The following RIMS2 variants were observed in gnomAD, a reference collection of about 807,000 sequenced individuals.
RIMS2 encodes the protein regulating synaptic membrane exocytosis 2.
Under a neutral mutation model 174.4 loss-of-function variants are expected in RIMS2, and 59 were observed. The observed-to-expected ratio is 0.34, with a 90% confidence interval of 0.27 to 0.42. The LOEUF (loss-of-function observed/expected upper bound fraction) is 0.42. RIMS2 is among the 10% of genes least tolerant of loss of function. The pLI is 1.00. For missense variants in RIMS2, 1,620 were observed against 1,666.3 expected, an observed-to-expected ratio of 0.97 and a Z score of 0.48; for synonymous variants, 606 against 572.5, an observed-to-expected ratio of 1.06 and a Z score of -0.84.
At chr8:103,717,220 T>TGTAGATG (rs1193221741) in intron 2 of RIMS2, among the ~76,000 whole-genome samples, 1 of 148,978 alleles carries the variant, frequency 6.7e-6, no homozygotes, top group Non-Finnish European at 1.5e-5. Context: ...TTGGGGATGA[T>TGTAGATG]GTAGATGGTG....
chr8:104,145,406 C>T (rs2098627741), intron 19 of RIMS2, among the ~76,000 whole-genome samples: 1 of 151,898 alleles, frequency 6.6e-6, no homozygotes, highest in African/African-American at 2.4e-5. Context: ...TTTTCCTAGC[C>T]ACATTGAGCA....
At chr8:104,075,529 T>C (rs1227515054) in intron 19 of RIMS2, among the ~76,000 whole-genome samples, 2 of 152,230 alleles carry the variant, frequency 1.3e-5, no homozygotes, top group Admixed American at 6.5e-5. Context: ...AGTAATCTTA[T>C]CTTGTACTGA....
chr8:104,106,841 A>G (rs1352460531), intron 19 of RIMS2, among the ~76,000 whole-genome samples: 1 of 152,228 alleles, frequency 6.6e-6, no homozygotes, highest in East Asian at 1.9e-4. Flanking sequence ...CAAATTTAAC[A>G]TACAGAAGTT....
intron 19 of RIMS2, among the ~76,000 whole-genome samples, chr8:104,189,843 T>C (rs1363659590): frequency 2.0e-5 from 3 of 151,940 alleles, no homozygotes; most frequent in Non-Finnish European, 4.4e-5. Context: ...TTACTTTGCT[T>C]CAGAGATCAA....
chr8:103,667,812 C>A (rs1478345860), intron 1 of RIMS2, among the ~76,000 whole-genome samples: 2 of 152,132 alleles, frequency 1.3e-5, no homozygotes, highest in African/African-American at 4.8e-5. Context: ...GTTAGCTTTA[C>A]CTTAAGGTCT....
At chr8:103,557,637 A>T (rs2090736527) in intron 1 of RIMS2, among the ~76,000 whole-genome samples, 1 of 152,208 alleles carries the variant, frequency 6.6e-6, no homozygotes, top group Non-Finnish European at 1.5e-5. Context: ...AGGAGTTTAC[A>T]TTCTCTATCA....
chr8:103,664,152 G>A (rs944101428), intron 1 of RIMS2, among the ~76,000 whole-genome samples: 10 of 152,176 alleles, frequency 6.6e-5, no homozygotes, highest in Non-Finnish European at 1.2e-4. Flanking sequence ...AGACTTCAAT[G>A]TAAGACCTAA....
chr8:103,899,174 A>G (rs1352858715), intron 4 of RIMS2, among the ~76,000 whole-genome samples: 1 of 151,762 alleles, frequency 6.6e-6, no homozygotes, highest in Non-Finnish European at 1.5e-5. Flanking sequence ...TAATGCCGCA[A>G]TAAACATATG....
chr8:103,525,145 T>G (rs74602453), intron 1 of RIMS2, among the ~76,000 whole-genome samples: 1,575 of 152,278 alleles, frequency 0.01, 29 homozygotes, highest in African/African-American at 0.036. Context: ...GAAAGAAGCA[T>G]TTTTGCAAAT....
At chr8:103,837,047 A>C (rs1258677094) in intron 3 of RIMS2, among the ~76,000 whole-genome samples, 1 of 152,204 alleles carries the variant, frequency 6.6e-6, no homozygotes, top group Non-Finnish European at 1.5e-5. Context: ...ACTTTATAAA[A>C]TGCTTAATGC....
chr8:103,858,436 G>C (rs528070198), intron 3 of RIMS2, among the ~76,000 whole-genome samples: 201 of 152,054 alleles, frequency 1.3e-3, no homozygotes, highest in Non-Finnish European at 2.5e-3. Context: ...GAAGGCATTG[G>C]ATTATCATAT....
At chr8:103,574,403 C>G (rs376773127) in intron 1 of RIMS2, among the ~76,000 whole-genome samples, 2 of 152,200 alleles carry the variant, frequency 1.3e-5, no homozygotes, top group East Asian at 3.8e-4. Flanking sequence ...TAAAAGCAAG[C>G]ATCTCACAGA....
At chr8:103,885,229 G>T in intron 3 of RIMS2, 69 bp from the exon 7 acceptor site, 2 of 1,467,096 alleles carry the variant, frequency 1.4e-6, no homozygotes, top group Non-Finnish European at 9.0e-7. Flanking sequence ...CAACCTGCCA[G>T]CAAATCAATG....
intron 2 of RIMS2, among the ~76,000 whole-genome samples, chr8:103,732,307 C>T (rs1303312456): frequency 6.6e-6 from 1 of 152,308 alleles, no homozygotes; most frequent in Non-Finnish European, 1.5e-5. Flanking sequence ...TGGAGCCTCT[C>T]TTTGTGCTGA....
intron 11 of RIMS2, chr8:103,927,991 T>G (rs868841777): frequency 1.2e-6 from 1 of 835,730 alleles, no homozygotes; most frequent in Middle Eastern, 2.3e-4. Flanking sequence ...GTTATGTTGC[T>G]CCAAATCATA....
intron 19 of RIMS2, among the ~76,000 whole-genome samples, chr8:104,139,613 G>A (rs2098550045): frequency 6.6e-6 from 1 of 152,006 alleles, no homozygotes. Context: ...TCAATTTTAT[G>A]TCCTGCAACT....
At chr8:103,648,542 G>A (rs1293049801) in intron 1 of RIMS2, among the ~76,000 whole-genome samples, 1 of 152,106 alleles carries the variant, frequency 6.6e-6, no homozygotes, top group East Asian at 1.9e-4. Context: ...ACAGTGGGGT[G>A]TTAAAGTCTC....
chr8:103,628,200 C>T (rs1384871881), intron 1 of RIMS2, among the ~76,000 whole-genome samples: 1 of 152,104 alleles, frequency 6.6e-6, no homozygotes, highest in South Asian at 2.1e-4. Context: ...GGTATGCACA[C>T]TCCACTTTAT....
chr8:103,581,733 C>A (rs1308999705), intron 1 of RIMS2, among the ~76,000 whole-genome samples: 1 of 152,152 alleles, frequency 6.6e-6, no homozygotes, highest in Non-Finnish European at 1.5e-5. Flanking sequence ...AACGTGAGGT[C>A]AGAGGAGGAG....
Sources: allele counts gnomAD v4.1 joint callset (sites outside exome capture counted in the v4.1 genomes callset), GRCh38; gene constraint gnomAD v4.1.1; transcripts MANE v1.5; gene names NCBI Gene and HGNC (gene_info 2026-07-23, HGNC 2026-07-21).